Variants in RBFOX3 observed in about 807,000 individuals in gnomAD.
RBFOX3 encodes the protein RNA binding protein fox-1 homolog 3.
Under a neutral mutation model 48.7 loss-of-function variants are expected in RBFOX3, and 17 were observed. That is an observed-to-expected ratio of 0.35 (90% confidence interval 0.24 to 0.52). The LOEUF (loss-of-function observed/expected upper bound fraction) is 0.52, where lower values mean the gene tolerates loss of function less well. Ranked by LOEUF, RBFOX3 falls within the 20% of genes least tolerant of loss-of-function variation. The pLI is 0.94. For synonymous variants in RBFOX3, 212 were observed against 209.5 expected (o/e 1.01, Z -0.10); for missense variants, 382 against 497.5 (o/e 0.77, Z 2.21).
chr17:79,544,975 C>CAAAAAA (rs10584963), intron 1 of RBFOX3, among the ~76,000 whole-genome samples: 5 of 81,638 alleles, frequency 6.1e-5, no homozygotes, highest in South Asian at 9.8e-4. Context: ...TCATTAAGGG[C>CAAAAAA]AAAAAAAAAA....
chr17:79,304,418 CATATATATTTTGATATATATGTGT>C (rs915674851), intron 3 of RBFOX3, among the ~76,000 whole-genome samples: 5 of 148,784 alleles, frequency 3.4e-5, no homozygotes, highest in Non-Finnish European at 5.9e-5. Flanking sequence ...CATATATGTA[CATATATATTTTGATATATATGTGT>C]ATATATATAT....
At chr17:79,500,561 A>G (rs2082255625) in intron 1 of RBFOX3, among the ~76,000 whole-genome samples, 1 of 152,132 alleles carries the variant, frequency 6.6e-6, no homozygotes, top group Non-Finnish European at 1.5e-5. Context: ...CCAGTCATTG[A>G]TTGTTGTTTT....
At chr17:79,131,160 G>T (rs1414838220) in intron 4 of RBFOX3, among the ~76,000 whole-genome samples, 4 of 151,868 alleles carry the variant, frequency 2.6e-5, no homozygotes, top group Non-Finnish European at 5.9e-5. Flanking sequence ...TGTACCGTGT[G>T]TGAGCCATGT....
At chr17:79,286,280 G>A (rs1017427526) in intron 3 of RBFOX3, among the ~76,000 whole-genome samples, 1 of 152,176 alleles carries the variant, frequency 6.6e-6, no homozygotes, top group Admixed American at 6.5e-5. Flanking sequence ...AGAGAGCCTG[G>A]TAATTCCTGG....
intron 2 of RBFOX3, among the ~76,000 whole-genome samples, chr17:79,435,604 G>A (rs2069265911): frequency 6.6e-6 from 1 of 152,204 alleles, no homozygotes; most frequent in African/African-American, 2.4e-5. Context: ...CCCTGCAACA[G>A]AGCCTGGCTC....
At chr17:79,518,837 G>A (rs981398799) in intron 1 of RBFOX3, among the ~76,000 whole-genome samples, 3 of 152,262 alleles carry the variant, frequency 2.0e-5, no homozygotes, top group South Asian at 2.1e-4. Flanking sequence ...ACAGAGGCTC[G>A]CTCCAGCTTT....
intron 2 of RBFOX3, among the ~76,000 whole-genome samples, chr17:79,325,616 C>A (rs2079181203): frequency 6.6e-6 from 1 of 152,082 alleles, no homozygotes. Flanking sequence ...AGGACATTAC[C>A]ACCTCCTCAC....
chr17:79,239,374 C>T (rs770662224), intron 3 of RBFOX3, among the ~76,000 whole-genome samples: 8 of 152,166 alleles, frequency 5.3e-5, no homozygotes, highest in African/African-American at 9.7e-5. Flanking sequence ...AGCCACTCAG[C>T]GGGATAATCA....
chr17:79,154,570 G>A (rs531695800), intron 4 of RBFOX3, among the ~76,000 whole-genome samples: 73 of 152,342 alleles, frequency 4.8e-4, no homozygotes, highest in African/African-American at 1.7e-3. Context: ...TCTGGCTGAG[G>A]GCAGACAGAA....
intron 4 of RBFOX3, among the ~76,000 whole-genome samples, chr17:79,141,150 C>T (rs954676455): frequency 1.3e-5 from 2 of 152,178 alleles, no homozygotes; most frequent in Non-Finnish European, 2.9e-5. Flanking sequence ...AGAACGGAGG[C>T]CTGAGAGCTC....
chr17:79,519,982 G>T (rs35142146), intron 1 of RBFOX3, among the ~76,000 whole-genome samples: 1,671 of 151,930 alleles, frequency 0.011, 29 homozygotes, highest in African/African-American at 0.039. Context: ...GAGGATGGTG[G>T]CTGTGCCGAG....
At chr17:79,126,491 C>A (rs2037326446) in intron 4 of RBFOX3, among the ~76,000 whole-genome samples, 1 of 152,166 alleles carries the variant, frequency 6.6e-6, no homozygotes, top group Non-Finnish European at 1.5e-5. Flanking sequence ...GGTGTGGGTT[C>A]CAGTCCCTGG....
chr17:79,111,474 C>T lies in RBFOX3; in HGVS notation c.222+4020G>A, dbSNP rs1051304270. Among the ~76,000 whole-genome samples the T allele has an allele frequency of 1.3e-5, 2 of 152,206 alleles. No individual in the cohort carries two copies. Among genetic ancestry groups the T allele is most frequent in the African/African-American group, 2.4e-5 (1 of 41,452 alleles). ...TCTTTTTCTCAGAGTTTTGCTCTGT[C>T]GCCCAGGCTGGAGTGCAGCGGCGTG... On this transcript the variant is annotated intron_variant, in intron 5 of 14. Transcript: ENST00000693108. This position sits in a 1 kb window ranked among gnomAD's most constrained non-coding sequence, Gnocchi z 4.2.
intron 1 of RBFOX3, among the ~76,000 whole-genome samples, chr17:79,496,523 C>T (rs1180703628): frequency 6.6e-6 from 1 of 152,158 alleles, no homozygotes; most frequent in Non-Finnish European, 1.5e-5. Context: ...AAGAGAATTC[C>T]CCAGATAGTC....
chr17:79,174,264 G>C (rs144284869), intron 4 of RBFOX3, among the ~76,000 whole-genome samples: 1 of 152,082 alleles, frequency 6.6e-6, no homozygotes, highest in African/African-American at 2.4e-5. Flanking sequence ...CACACACAAT[G>C]CACACTCACA....
chr17:79,094,166 T>C (rs1647102474), intron 14 of RBFOX3: 1 of 413,728 alleles, frequency 2.4e-6, no homozygotes, highest in Non-Finnish European at 4.2e-6. Flanking sequence ...GGGACTTTAT[T>C]ATAGTGAGGG....
chr17:79,130,360 GT>G (rs2038527845), intron 4 of RBFOX3, among the ~76,000 whole-genome samples: 1 of 152,164 alleles, frequency 6.6e-6, no homozygotes, highest in South Asian at 2.1e-4. Context: ...GAGCCACACT[GT>G]GGGTGAGCAG....
At chr17:79,519,213 C>G (rs1363014272) in intron 1 of RBFOX3, among the ~76,000 whole-genome samples, 2 of 152,250 alleles carry the variant, frequency 1.3e-5, no homozygotes, top group Non-Finnish European at 2.9e-5. Flanking sequence ...GCAGCCCTCT[C>G]GGCAGATGGG....
intron 2 of RBFOX3, among the ~76,000 whole-genome samples, chr17:79,428,085 AC>A (rs1170373590): frequency 6.6e-6 from 1 of 152,238 alleles, no homozygotes; most frequent in Admixed American, 6.5e-5. Flanking sequence ...AAATGGGCCC[AC>A]AAGGCAGCCA....
Sources: allele counts gnomAD v4.1 joint callset (sites outside exome capture counted in the v4.1 genomes callset), GRCh38; gene constraint gnomAD v4.1.1; non-coding constraint Gnocchi (gnomAD v3.1); transcripts MANE v1.5; gene names NCBI Gene and HGNC (gene_info 2026-07-23, HGNC 2026-07-21).